The following NRCAM variants were observed in gnomAD, a reference collection of about 807,000 sequenced individuals.
NRCAM encodes neuronal cell adhesion molecule, also known as NgCAM-related cell adhesion molecule.
In NRCAM, 83 loss-of-function variants were observed where a neutral mutation model predicts 156.5. That is an observed-to-expected ratio of 0.53 (90% CI 0.44 to 0.64). NRCAM has a LOEUF of 0.64. Among genes scored for constraint, NRCAM ranks in the 30% least tolerant of loss-of-function variants. The pLI is 0.00. For missense variants in NRCAM, 1,417 were observed against 1,597.3 expected, an observed-to-expected ratio of 0.89 and a Z score of 1.92; for synonymous variants, 538 against 563.9, an observed-to-expected ratio of 0.95 and a Z score of 0.65.
chr7:108,378,071 A>T (rs2154353173), intron 2 of NRCAM, among the ~76,000 whole-genome samples: 1 of 152,334 alleles, frequency 6.6e-6, no homozygotes, highest in African/African-American at 2.4e-5. Flanking sequence ...CAACAAATAT[A>T]ATTTCATAAT....
intron 13 of NRCAM, among the ~76,000 whole-genome samples, chr7:108,204,155 G>T (rs918415446): frequency 9.9e-5 from 15 of 152,144 alleles, no homozygotes; most frequent in African/African-American, 3.6e-4. Flanking sequence ...TAAATTCATG[G>T]GACAATTACC....
chr7:108,254,698 T>C (rs2096544723), intron 3 of NRCAM, among the ~76,000 whole-genome samples: 1 of 152,026 alleles, frequency 6.6e-6, no homozygotes. Context: ...CAGGCATATG[T>C]TCTACCATAC....
intron 2 of NRCAM, among the ~76,000 whole-genome samples, chr7:108,373,554 CACAGGGG>C (rs2099642810): frequency 6.6e-6 from 1 of 152,124 alleles, no homozygotes; most frequent in African/African-American, 2.4e-5. Flanking sequence ...AATACTAAAG[CACAGGGG>C]ACAATAAGGT....
chr7:108,432,604 A>G (rs12531222), intron 1 of NRCAM, among the ~76,000 whole-genome samples: 2 of 152,208 alleles, frequency 1.3e-5, no homozygotes, highest in African/African-American at 4.8e-5. Context: ...GGAAAAAAAG[A>G]AGCAGAAAAA....
intron 1 of NRCAM, among the ~76,000 whole-genome samples, chr7:108,454,992 T>C (rs1022557981): frequency 1.3e-5 from 2 of 151,736 alleles, no homozygotes; most frequent in Non-Finnish European, 2.9e-5. Flanking sequence ...CTCGGCGCCC[T>C]CCCTCGGTGC....
intron 20 of NRCAM, among the ~76,000 whole-genome samples, chr7:108,186,145 T>G (rs758958602): frequency 4.6e-5 from 7 of 152,182 alleles, no homozygotes; most frequent in Non-Finnish European, 1.0e-4. Context: ...AACACAAAGA[T>G]GAACTAAAAA....
At chr7:108,196,830 CA>C (rs1039191989) in intron 14 of NRCAM, among the ~76,000 whole-genome samples, 2 of 152,132 alleles carry the variant, frequency 1.3e-5, no homozygotes, top group Non-Finnish European at 2.9e-5. Flanking sequence ...TATGATCCAA[CA>C]ATGCCATTAA....
chr7:108,391,010 G>A (rs763229506), intron 2 of NRCAM, among the ~76,000 whole-genome samples: 18 of 152,232 alleles, frequency 1.2e-4, no homozygotes, highest in Non-Finnish European at 2.2e-4. Flanking sequence ...GTCAGTTTTG[G>A]AATAGGTGTG....
intron 3 of NRCAM, among the ~76,000 whole-genome samples, chr7:108,249,123 A>C (rs2153877625): frequency 6.6e-6 from 1 of 152,292 alleles, no homozygotes; most frequent in East Asian, 1.9e-4. Flanking sequence ...GCTCAGATTT[A>C]CCAAACCCAA....
chr7:108,183,410 C>CTCTA (rs5886445), intron 22 of NRCAM, among the ~76,000 whole-genome samples: 102,853 of 151,606 alleles, frequency 0.68, 36,939 homozygotes, highest in East Asian at 0.96. Context: ...GCATGTATGG[C>CTCTA]TCTAAAATAG....
intron 2 of NRCAM, among the ~76,000 whole-genome samples, chr7:108,366,853 T>C (rs944910981): frequency 1.3e-5 from 2 of 152,234 alleles, no homozygotes; most frequent in Non-Finnish European, 2.9e-5. Context: ...TTTGTCATCT[T>C]AGAACAAGGC....
chr7:108,170,312 C>T (rs141621510), intron 28 of NRCAM, among the ~76,000 whole-genome samples: 3 of 152,220 alleles, frequency 2.0e-5, no homozygotes, highest in Admixed American at 6.5e-5. Context: ...GCAAATATTG[C>T]GTGATCTCAC....
Position 108,226,335 on chromosome 7 carries a change from C to T in NRCAM, c.594G>A (p.Leu198=), listed in dbSNP as rs1319479329. The change falls in exon 9 of 33, where the codon TTG becomes TTA. Residue 198 remains leucine, a synonymous_variant. Transcript: ENST00000379028. The part of the protein sequence containing the change: ...LPQSERVSQG[L]NGDLYFSNVL... ...CATTGGAAAAATAAAGGTCCCCATT[C>T]AAACCTTGAGAAACTCTCTCACTTT... is the stretch of plus-strand genomic sequence containing the variant. 1.9e-6 allele frequency: 3 copies of T among 1,612,674 alleles called. No individual in the cohort carries two copies. The highest frequency in any genetic ancestry group is 3.3e-4 in the Middle Eastern group (2 of 6,054).
intron 1 of NRCAM, among the ~76,000 whole-genome samples, chr7:108,405,167 T>C (rs1428391971): frequency 1.3e-5 from 2 of 152,232 alleles, no homozygotes; most frequent in East Asian, 3.8e-4. Context: ...GAGAAGAGAC[T>C]GTTGGCATTC....
At chr7:108,407,037 A>C (rs1336522213) in intron 1 of NRCAM, among the ~76,000 whole-genome samples, 3 of 152,206 alleles carry the variant, frequency 2.0e-5, no homozygotes, top group African/African-American at 7.2e-5. Context: ...AAAATATAAA[A>C]AGTAAAGAAA....
chr7:108,317,967 G>C (rs1163707127), intron 2 of NRCAM, among the ~76,000 whole-genome samples: 1 of 150,018 alleles, frequency 6.7e-6, no homozygotes, highest in Non-Finnish European at 1.5e-5. Context: ...AGGAAAGGGG[G>C]AAGATTGAAA....
intron 7 of NRCAM, among the ~76,000 whole-genome samples, 170 bp downstream of exon 7, chr7:108,232,156 A>G (rs1186562236): frequency 6.6e-6 from 1 of 152,098 alleles, no homozygotes; most frequent in Non-Finnish European, 1.5e-5. Flanking sequence ...TGGACTAAGG[A>G]GCTTCCTAGG....
At chr7:108,351,847 T>C (rs2099415159) in intron 2 of NRCAM, among the ~76,000 whole-genome samples, 1 of 152,206 alleles carries the variant, frequency 6.6e-6, no homozygotes, top group African/African-American at 2.4e-5. Context: ...TTTGTCTTTT[T>C]GCATTTCCAG....
chr7:108,215,253 C>A (rs1199925287), intron 11 of NRCAM, among the ~76,000 whole-genome samples: 2 of 144,140 alleles, frequency 1.4e-5, no homozygotes, highest in South Asian at 2.2e-4. Context: ...TGCTCTGTCA[C>A]CCAGGCTGGA....
Sources: gnomAD v4.1 joint callset for allele counts (sites outside exome capture counted in the v4.1 genomes callset) on GRCh38, gnomAD v4.1.1 for gene constraint, MANE v1.5 for transcripts, NCBI Gene and HGNC (gene_info 2026-07-23, HGNC 2026-07-21) for gene names.